Variants in ANO4 observed in about 807,000 individuals in gnomAD.
ANO4 encodes anoctamin-4.
Under a neutral mutation model 141.9 loss-of-function variants are expected in ANO4, and 69 were observed. That is an observed-to-expected ratio of 0.49 (90% CI 0.40 to 0.59). The LOEUF is 0.59. Ranked by LOEUF, ANO4 falls within the 20% of genes least tolerant of loss-of-function variation. ANO4 has a pLI of 0.00. For synonymous variants in ANO4, 350 were observed against 394.3 expected, an observed-to-expected ratio of 0.89 and a Z score of 1.33; for missense variants, 894 against 1,162.2, an observed-to-expected ratio of 0.77 and a Z score of 3.36.
intron 8 of ANO4, among the ~76,000 whole-genome samples, chr12:100,995,916 GCTCTGGAGCCAGCTT>G (rs1217934180): frequency 3.9e-5 from 6 of 152,216 alleles, no homozygotes; most frequent in Non-Finnish European, 7.3e-5. Flanking sequence ...CAGAGCCAGG[GCTCTGGAGCCAGCTT>G]CTCTGATCTT....
Position 101,037,153 on chromosome 12 carries a change from A to G in ANO4, c.897+3A>G. ...AAGCTGCGTTTCCCCTGCATGAGGTATTGTGCTGTCTTTAATCTTTATCTT... is the reference window on the plus strand; with the variant it reads ...AAGCTGCGTTTCCCCTGCATGAGGTGTTGTGCTGTCTTTAATCTTTATCTT... On this transcript the variant is annotated splice_donor_region_variant and intron_variant, in intron 10 of 27. Coordinates refer to ENST00000392977, the MANE Select transcript of ANO4 (RefSeq NM_001286615.2). 6.2e-7 allele frequency: 1 copy of G among 1,613,712 alleles called. No individual in the cohort carries two copies. Among genetic ancestry groups the G allele is most frequent in the Admixed American group, 1.7e-5 (1 of 59,994 alleles).
intron 1 of ANO4, among the ~76,000 whole-genome samples, chr12:100,796,363 G>GT (rs34184204): frequency 0.76 from 115,630 of 151,938 alleles, 44,693 homozygotes; most frequent in East Asian, 0.94. Context: ...TTCCCTAACT[G>GT]CTTGCTCATT....
chr12:100,881,993 A>G (rs2039594231), intron 1 of ANO4, among the ~76,000 whole-genome samples: 2 of 152,166 alleles, frequency 1.3e-5, no homozygotes, highest in African/African-American at 4.8e-5. Flanking sequence ...TAAAAGTGGT[A>G]TTGACAAGAA....
chr12:100,820,143 G>A (rs2035959073), intron 1 of ANO4, among the ~76,000 whole-genome samples: 2 of 46,110 alleles, frequency 4.3e-5, no homozygotes, highest in East Asian at 5.6e-4. Flanking sequence ...TGGTTGTGTG[G>A]CTCTTTTCAT....
intron 5 of ANO4, among the ~76,000 whole-genome samples, chr12:100,970,586 C>G (rs977691112): frequency 6.6e-6 from 1 of 152,140 alleles, no homozygotes; most frequent in African/African-American, 2.4e-5. Context: ...ATAACTGTTT[C>G]TGTCATTACT....
chr12:100,768,747 T>TA (rs1565864846), intron 3 of ANO4, among the ~76,000 whole-genome samples: 2 of 152,004 alleles, frequency 1.3e-5, no homozygotes, highest in African/African-American at 4.8e-5. Flanking sequence ...CTGAACAACA[T>TA]AAAATTTGAT....
At chr12:100,736,001 C>A (rs1043749781) in intron 2 of ANO4, among the ~76,000 whole-genome samples, 1 of 152,048 alleles carries the variant, frequency 6.6e-6, no homozygotes, top group Non-Finnish European at 1.5e-5. Flanking sequence ...GGGGGAAGCA[C>A]GGTGAGGGTA....
At chr12:101,126,337 A>G (rs1247620662) in intron 26 of ANO4, among the ~76,000 whole-genome samples, 1 of 152,196 alleles carries the variant, frequency 6.6e-6, no homozygotes, top group Non-Finnish European at 1.5e-5. Flanking sequence ...TAGTATTTCA[A>G]GTAAAGAATT....
At chr12:100,801,692 C>T (rs1004480334) in intron 1 of ANO4, among the ~76,000 whole-genome samples, 1 of 115,220 alleles carries the variant, frequency 8.7e-6, no homozygotes, top group Non-Finnish European at 1.6e-5. Context: ...TGAGAAGGAA[C>T]TTAAAGTTAT....
At chr12:100,919,464 C>T (rs1325654753) in intron 2 of ANO4, among the ~76,000 whole-genome samples, 4 of 152,038 alleles carry the variant, frequency 2.6e-5, no homozygotes, top group African/African-American at 9.7e-5. Context: ...ACAGTTACTA[C>T]AGTATTCAGT....
At chr12:100,792,751 G>T (rs967270421), upstream of ANO4, among the ~76,000 whole-genome samples, 3 of 152,018 alleles carry the variant, frequency 2.0e-5, no homozygotes, top group East Asian at 5.8e-4. Context: ...TGTATTCAAG[G>T]TATGAACCCG....
intron 8 of ANO4, among the ~76,000 whole-genome samples, chr12:101,006,472 G>A (rs1227526043): frequency 6.6e-6 from 1 of 152,172 alleles, no homozygotes; most frequent in Non-Finnish European, 1.5e-5. Context: ...CCTAAAGTAG[G>A]TACTTCCTCA....
intron 8 of ANO4, among the ~76,000 whole-genome samples, chr12:100,994,520 A>T (rs534623679): frequency 6.6e-6 from 1 of 152,338 alleles, no homozygotes; most frequent in Non-Finnish European, 1.5e-5. Context: ...CTTTCAGGAA[A>T]TAGATCAATT....
At chr12:101,029,999 A>G (rs530666509) in intron 9 of ANO4, among the ~76,000 whole-genome samples, 1 of 152,156 alleles carries the variant, frequency 6.6e-6, no homozygotes, top group East Asian at 1.9e-4. Flanking sequence ...AGAGACCTAC[A>G]AAGAGACTTA....
At chr12:100,753,824 C>T (rs2032491171) in intron 3 of ANO4, among the ~76,000 whole-genome samples, 1 of 152,164 alleles carries the variant, frequency 6.6e-6, no homozygotes, top group African/African-American at 2.4e-5. Context: ...CGACTTTTCC[C>T]CTAATATTTA....
At chr12:100,822,015 T>G (rs966572316) in intron 1 of ANO4, among the ~76,000 whole-genome samples, 2 of 151,912 alleles carry the variant, frequency 1.3e-5, no homozygotes, top group African/African-American at 4.8e-5. Context: ...AAAAACAGTT[T>G]TGGGCATCTT....
chr12:100,760,072 T>A (rs957694698), intron 3 of ANO4, among the ~76,000 whole-genome samples: 2 of 152,210 alleles, frequency 1.3e-5, no homozygotes, highest in African/African-American at 4.8e-5. Context: ...ACTGTTGTTC[T>A]GAATTTGGAG....
intron 1 of ANO4, among the ~76,000 whole-genome samples, chr12:100,868,323 A>T (rs1328602137): frequency 1.3e-5 from 2 of 152,096 alleles, no homozygotes; most frequent in African/African-American, 4.8e-5. Flanking sequence ...TAAAATCCTT[A>T]CTATGGTGAC....
chr12:101,107,748 A>G (rs916979401), intron 22 of ANO4, among the ~76,000 whole-genome samples: 1 of 152,158 alleles, frequency 6.6e-6, no homozygotes, highest in African/African-American at 2.4e-5. Flanking sequence ...CTACTGAAAC[A>G]TTTTGTGTAG....
Sources: allele counts gnomAD v4.1 joint callset (sites outside exome capture counted in the v4.1 genomes callset), GRCh38; gene constraint gnomAD v4.1.1; transcripts MANE v1.5; gene names NCBI Gene and HGNC (gene_info 2026-07-23, HGNC 2026-07-21).